TAF4B: variants seen among roughly 807,000 people sequenced by gnomAD.
The protein encoded by TAF4B is transcription initiation factor TFIID subunit 4B.
In TAF4B, 38 loss-of-function variants were observed where a neutral mutation model predicts 86.4. The ratio of observed to expected loss-of-function variants is 0.44; its 90% CI spans 0.34 to 0.58. The LOEUF (loss-of-function observed/expected upper bound fraction) is 0.58. Among genes scored for constraint, TAF4B ranks in the 20% least tolerant of loss-of-function variants. TAF4B has a pLI of 0.02. For missense variants in TAF4B, 988 were observed against 1,027.6 expected, an observed-to-expected ratio of 0.96 and a Z score of 0.53; for synonymous variants, 388 against 391.2, an observed-to-expected ratio of 0.99 and a Z score of 0.10.
intron 6 of TAF4B, among the ~76,000 whole-genome samples, chr18:26,285,222 G>GTTTTTTTTGTTTTTTTTTTTTTTT (rs1555677504): frequency 9.8e-4 from 45 of 45,690 alleles, no homozygotes; most frequent in Non-Finnish European, 1.5e-3. Context: ...TTTTTTTTTT[G>GTTTTTTTTGTTTTTTTTTTTTTTT]TTTTTTTTTT....
chr18:26,299,255 T>A (rs2144629046), intron 9 of TAF4B, among the ~76,000 whole-genome samples: 1 of 152,310 alleles, frequency 6.6e-6, no homozygotes, highest in South Asian at 2.1e-4. Flanking sequence ...AGTATAGTCT[T>A]CCTATTGCCT....
rs142910453 is a variant in TAF4B, at chr18:26,389,092, G to A, written c.2422-753G>A. On this transcript the variant is annotated intron_variant, in intron 14 of 14. Coordinates refer to ENST00000269142, the MANE Select transcript of TAF4B (RefSeq NM_005640.3). ...CTCCCAAAGTGCTGGGATTACAGAC[G>A]TGAGCTACTGTGCCCAACCAGAGCT... Among the ~76,000 whole-genome samples, 100 of 108,304 alleles carry A rather than the reference G, an allele frequency of 9.2e-4. 1 individual carries two copies. Among genetic ancestry groups the A allele is most frequent in the African/African-American group, 3.2e-3 (96 of 29,576 alleles). 71.1% of individuals were successfully genotyped at this position (108,304 alleles called of 152,430 possible).
At chr18:26,308,849 C>A (rs2056823882) in intron 9 of TAF4B, among the ~76,000 whole-genome samples, 1 of 124,554 alleles carries the variant, frequency 8.0e-6, no homozygotes, top group Admixed American at 1.1e-4. Context: ...TCCAACCTGG[C>A]AGCCTGGGCA....
At chr18:26,371,598 G>A (rs1377322142) in intron 14 of TAF4B, among the ~76,000 whole-genome samples, 1 of 152,202 alleles carries the variant, frequency 6.6e-6, no homozygotes, top group African/African-American at 2.4e-5. Flanking sequence ...AATCAGAATA[G>A]TCTGAGCTGC....
intron 9 of TAF4B, among the ~76,000 whole-genome samples, chr18:26,314,403 A>T (rs1418411968): frequency 6.6e-6 from 1 of 152,052 alleles, no homozygotes; most frequent in Non-Finnish European, 1.5e-5. Flanking sequence ...CATTAGATAA[A>T]AACAACTGTT....
At chr18:26,242,177 C>T (rs1371193186) in intron 1 of TAF4B, among the ~76,000 whole-genome samples, 1 of 152,140 alleles carries the variant, frequency 6.6e-6, no homozygotes, top group Non-Finnish European at 1.5e-5. Context: ...CTAATGTTGA[C>T]AGTGGGGTGT....
intron 14 of TAF4B, among the ~76,000 whole-genome samples, chr18:26,379,846 A>G (rs377160850): frequency 2.6e-5 from 4 of 152,040 alleles, no homozygotes; most frequent in Admixed American, 6.6e-5. Flanking sequence ...CTTTATCTCA[A>G]TGTTTTAGTT....
intron 3 of TAF4B, 27 bp from the exon 4 acceptor site, chr18:26,274,636 C>G: frequency 6.2e-7 from 1 of 1,613,410 alleles, no homozygotes; most frequent in Non-Finnish European, 8.5e-7. Flanking sequence ...TAATACATGC[C>G]TAAATATTTA....
chr18:26,375,973 A>G (rs1015859151), intron 14 of TAF4B, among the ~76,000 whole-genome samples: 4 of 152,044 alleles, frequency 2.6e-5, no homozygotes, highest in African/African-American at 2.4e-5. Context: ...TTCTTTCCCC[A>G]TTGTATGATC....
At chr18:26,369,633 C>T (rs2057393909) in intron 14 of TAF4B, among the ~76,000 whole-genome samples, 1 of 152,220 alleles carries the variant, frequency 6.6e-6, no homozygotes, top group Admixed American at 6.5e-5. Context: ...CATGGGCTGG[C>T]ACAGGCATTG....
At chr18:26,382,415 C>T (rs975281347) in intron 14 of TAF4B, among the ~76,000 whole-genome samples, 2 of 151,868 alleles carry the variant, frequency 1.3e-5, no homozygotes, top group Non-Finnish European at 2.9e-5. Context: ...TCTTGTGTGT[C>T]GAATTCCTTG....
intron 14 of TAF4B, among the ~76,000 whole-genome samples, chr18:26,380,243 A>G (rs527507230): frequency 2.6e-5 from 4 of 152,284 alleles, no homozygotes; most frequent in Admixed American, 2.0e-4. Flanking sequence ...TCTTAGAGGG[A>G]AATTGCCTGT....
chr18:26,308,201 G>A lies in TAF4B; in HGVS notation c.1833-7028G>A, dbSNP rs951928648. The stretch of plus-strand genomic sequence containing the variant: ...CTCCGGAAGTGAAGGCTGCAGAAAG[G>A]TGAGATTGCACCGCTGCACTCCAGC... On this transcript the variant is annotated intron_variant, in intron 9 of 14. Coordinates refer to ENST00000269142, the MANE Select transcript of TAF4B (RefSeq NM_005640.3). Among the ~76,000 whole-genome samples the A allele has an allele frequency of 2.6e-5, 4 of 152,114 alleles. 1 individual carries two copies. Among genetic ancestry groups the A allele is most frequent in the Admixed American group, 2.6e-4 (4 of 15,276 alleles).
chr18:26,266,185 T>A (rs2056237449), intron 2 of TAF4B: 1 of 152,096 alleles, frequency 6.6e-6, no homozygotes, highest in South Asian at 2.1e-4. Flanking sequence ...TGATCTTGGC[T>A]CACCGCAACC....
chr18:26,286,401 C>G lies in TAF4B; in HGVS notation c.1492C>G (p.Pro498Ala). Residue 498 changes from proline (P) to alanine (A), a missense_variant, in exon 7 of 15, where the codon CCT becomes GCT. Transcript: ENST00000269142. ...TTCTGCTGGGACCACATCTGACAAG[C>G]CTGTTATTGGGACTCCAGTTCAAAT... ...VSSAGTTSDK[P>A]VIGTPVQIKL... The G allele has an allele frequency of 6.2e-7, 1 of 1,614,196 alleles. No homozygotes were observed. The highest frequency in any genetic ancestry group is 8.5e-7 in the Non-Finnish European group (1 of 1,180,042).
intron 14 of TAF4B, among the ~76,000 whole-genome samples, chr18:26,361,304 T>TG (rs1256521702): frequency 6.7e-5 from 6 of 88,984 alleles, no homozygotes; most frequent in East Asian, 4.6e-4. Context: ...TTTTTTTTTT[T>TG]TTAGAGACAA....
chr18:26,350,140 TTATGTCAGGA>T (rs1458492021), intron 13 of TAF4B, among the ~76,000 whole-genome samples: 1 of 152,110 alleles, frequency 6.6e-6, no homozygotes, highest in Non-Finnish European at 1.5e-5. Flanking sequence ...AGGACATACT[TTATGTCAGGA>T]AAATATTTTA....
intron 1 of TAF4B, among the ~76,000 whole-genome samples, chr18:26,234,134 T>C (rs374462641): frequency 6.6e-6 from 1 of 151,478 alleles, no homozygotes; most frequent in Non-Finnish European, 1.5e-5. Context: ...CCATTCTGTT[T>C]CAGTCAGGGA....
At chr18:26,327,994 A>G (rs997765968) in intron 12 of TAF4B, among the ~76,000 whole-genome samples, 2 of 152,172 alleles carry the variant, frequency 1.3e-5, no homozygotes, top group East Asian at 1.9e-4. Flanking sequence ...GAAGCTCCAC[A>G]TTTCTTCGTA....
Sources: gnomAD v4.1 joint callset for allele counts (sites outside exome capture counted in the v4.1 genomes callset) on GRCh38, gnomAD v4.1.1 for gene constraint, MANE v1.5 for transcripts, NCBI Gene and HGNC (gene_info 2026-07-23, HGNC 2026-07-21) for gene names.